The following KRABD4 variants were observed in gnomAD, a reference collection of about 807,000 sequenced individuals.
KRABD4 encodes KRAB domain-containing protein 4.
chrX:46,449,050 C>T, the KRABD4 span, among the ~76,000 whole-genome samples: 1 of 112,519 alleles, frequency 8.9e-6, no homozygotes, highest in Non-Finnish European at 1.9e-5. Flanking sequence ...ACCCTGTTGT[C>T]CTGATACTGT....
At chrX:46,450,299 A>G in the KRABD4 span, 8 of 379,047 alleles carry the variant, frequency 2.1e-5, no homozygotes. Flanking sequence ...GTTTCATGGA[A>G]ACAGGCTGGA....
the KRABD4 span, chrX:46,473,064 T>C: frequency 1.8e-5 from 22 of 1,204,170 alleles, no homozygotes; most frequent in Non-Finnish European, 2.5e-5. Context: ...TTCATAAAGC[T>C]CAACCTGCAG....
the KRABD4 span, among the ~76,000 whole-genome samples, chrX:46,452,711 A>T: frequency 3.6e-5 from 4 of 112,404 alleles, no homozygotes; most frequent in Non-Finnish European, 5.6e-5. Flanking sequence ...CATTTATAGG[A>T]TAACTTTCTA....
chrX:46,451,509 T>C, the KRABD4 span, among the ~76,000 whole-genome samples: 1 of 112,347 alleles, frequency 8.9e-6, no homozygotes, highest in African/African-American at 3.2e-5. Context: ...TAATTTTTTT[T>C]TACTGTTGTA....
At chrX:46,467,105 A>C in the KRABD4 span, among the ~76,000 whole-genome samples, 1 of 112,304 alleles carries the variant, frequency 8.9e-6, no homozygotes, top group Non-Finnish European at 1.9e-5. Flanking sequence ...CAGTTAATGC[A>C]CATTTGAATT....
the KRABD4 span, among the ~76,000 whole-genome samples, chrX:46,469,521 T>C: frequency 8.9e-6 from 1 of 112,291 alleles, no homozygotes. Context: ...TATAGAAGTG[T>C]AATTGATCTT....
At chrX:46,456,006 T>C in the KRABD4 span, 1 of 341,348 alleles carries the variant, frequency 2.9e-6, no homozygotes, top group East Asian at 7.8e-5. Context: ...GTAGGCAGGC[T>C]AAAGTCATCT....
chrX:46,462,563 G>A, the KRABD4 span: 2 of 716,732 alleles, frequency 2.8e-6, no homozygotes, highest in African/African-American at 4.3e-5. Flanking sequence ...AGACCGTGTG[G>A]ATTCGACTCC....
chrX:46,457,623 GTT>G, the KRABD4 span, among the ~76,000 whole-genome samples: 7 of 75,294 alleles, frequency 9.3e-5, no homozygotes, highest in African/African-American at 2.8e-4. Context: ...GCCTTTCAGA[GTT>G]TTTTTTTTTT....
the KRABD4 span, among the ~76,000 whole-genome samples, chrX:46,460,047 G>T: frequency 2.0e-4 from 22 of 112,445 alleles, no homozygotes; most frequent in South Asian, 7.7e-3. Flanking sequence ...GCCACAAATT[G>T]GGGGTTCCCA....
the KRABD4 span, among the ~76,000 whole-genome samples, chrX:46,462,100 A>G: frequency 2.7e-5 from 3 of 112,304 alleles, no homozygotes; most frequent in South Asian, 1.1e-3. Context: ...TCCAGGGTAA[A>G]ATATTTCTCA....
At chrX:46,471,885 C>A in the KRABD4 span, 1 of 112,402 alleles carries the variant, frequency 8.9e-6, no homozygotes, top group Non-Finnish European at 1.9e-5. Context: ...ATCTTGGTTG[C>A]TTCCAGTTTG....
the KRABD4 span, chrX:46,455,809 T>G: frequency 5.6e-6 from 2 of 359,446 alleles, no homozygotes; most frequent in Non-Finnish European, 1.0e-5. Context: ...AGAGTTGCTC[T>G]TAAGCTCTTC....
At chrX:46,451,897 C>T in the KRABD4 span, among the ~76,000 whole-genome samples, 1 of 112,617 alleles carries the variant, frequency 8.9e-6, no homozygotes, top group African/African-American at 3.2e-5. Flanking sequence ...AATGGATACA[C>T]ATTGTAAAAA....
At chrX:46,461,020 A>G in the KRABD4 span, among the ~76,000 whole-genome samples, 37 of 100,893 alleles carry the variant, frequency 3.7e-4, no homozygotes, top group African/African-American at 1.2e-3. Flanking sequence ...TGATCACTTC[A>G]GAGGCTATTC....
chrX:46,458,217 T>C, the KRABD4 span, among the ~76,000 whole-genome samples: 1 of 112,473 alleles, frequency 8.9e-6, no homozygotes, highest in Non-Finnish European at 1.9e-5. Flanking sequence ...ATATGAAATG[T>C]ATGTAGAATA....
the KRABD4 span, chrX:46,473,662 T>C: frequency 3.7e-6 from 1 of 271,468 alleles, no homozygotes. Context: ...AATCTTTTTT[T>C]TTTTTTTTTT....
the KRABD4 span, among the ~76,000 whole-genome samples, chrX:46,457,479 G>GA: frequency 1.8e-5 from 2 of 110,939 alleles, no homozygotes; most frequent in African/African-American, 3.3e-5. Context: ...CAATTTATGA[G>GA]AAAAAAGTGT....
the KRABD4 span, among the ~76,000 whole-genome samples, chrX:46,458,020 G>T: frequency 9.0e-6 from 1 of 111,534 alleles, no homozygotes; most frequent in African/African-American, 3.3e-5. Flanking sequence ...GGGATTACAG[G>T]CATGAGCCAC....
Sources: allele counts gnomAD v4.1 joint callset (sites outside exome capture counted in the v4.1 genomes callset), GRCh38; gene constraint gnomAD v4.1.1; transcripts MANE v1.5; gene names NCBI Gene and HGNC (gene_info 2026-07-23, HGNC 2026-07-21).